The following CEP120 variants were observed in gnomAD, a reference collection of about 807,000 sequenced individuals.
CEP120 encodes centrosomal protein of 120 kDa.
Under a neutral mutation model 126.5 loss-of-function variants are expected in CEP120, and 113 were observed. The observed-to-expected ratio is 0.89, with a 90% CI of 0.77 to 1.04. CEP120 has a LOEUF of 1.04. Among genes scored for constraint, CEP120 ranks in the 50% least tolerant of loss-of-function variants. CEP120 has a pLI of 0.00. For missense variants in CEP120, 1,230 were observed against 1,155.7 expected, an observed-to-expected ratio of 1.06 and a Z score of -0.93; for synonymous variants, 400 against 394.3, an observed-to-expected ratio of 1.01 and a Z score of -0.17.
chr5:123,345,841 G>A lies in CEP120; in HGVS notation c.*678C>T, dbSNP rs529079586. 10 of 152,184 alleles carry A rather than the reference G, an allele frequency of 6.6e-5. 1 individual carries two copies. In the South Asian group the frequency reaches 1.9e-3, roughly 28 times the overall value. 9.4% of individuals were successfully genotyped at this position (152,184 alleles called of 1,614,324 possible). A position where few individuals can be genotyped will look rare whatever the true frequency, so the allele number is the denominator to read the frequency against. On this transcript the variant is annotated 3_prime_UTR_variant, in exon 20 of 20. Coordinates refer to ENST00000306467, the MANE Select transcript of CEP120 (RefSeq NM_001375405.1). ...AAGAAAACAATGCAAACTTGAGGAA[G>A]AAACCAACAGAGAAAACTATATTAA... is the stretch of plus-strand genomic sequence containing the variant.
intron 9 of CEP120, among the ~76,000 whole-genome samples, chr5:123,386,874 C>G (rs61604748): frequency 6.6e-6 from 1 of 151,770 alleles, no homozygotes; most frequent in Non-Finnish European, 1.5e-5. Context: ...TCTGCACTCC[C>G]AGGGACACAG....
intron 16 of CEP120, among the ~76,000 whole-genome samples, chr5:123,375,177 C>T (rs957576195): frequency 6.6e-6 from 1 of 152,004 alleles, no homozygotes; most frequent in South Asian, 2.1e-4. Flanking sequence ...TCCTTCCTAC[C>T]CCCTTTTTTT....
Position 123,378,429 on chromosome 5 carries a change from C to G in CEP120, c.2104-1G>C. The G allele has an allele frequency of 6.8e-7, 1 of 1,465,092 alleles. No individual in the cohort carries two copies. Among genetic ancestry groups the G allele is most frequent in the South Asian group, 1.3e-5 (1 of 77,864 alleles). 90.8% of individuals were successfully genotyped at this position (1,465,092 alleles called of 1,614,324 possible). A position where few individuals can be genotyped will look rare whatever the true frequency, so the allele number is the denominator to read the frequency against. ...CTTCTAGAATAGTATATTCAGCCAC[C>G]TAAAATATAGTAAAAAAAAAAAAAA... On this transcript the variant is annotated splice_acceptor_variant, in intron 14 of 19. Coordinates refer to ENST00000306467, the MANE Select transcript of CEP120 (RefSeq NM_001375405.1). LOFTEE classifies it high-confidence loss of function.
Position 123,386,192 on chromosome 5 carries a change from T to C in CEP120, c.1580+326A>G, listed in dbSNP as rs543489286. ...AAAAAGTAAATATTTAGTTCTTAGC[T>C]TTTTATCTTCCCACATTATATCAGG... On this transcript the variant is annotated intron_variant, in intron 10 of 19. Coordinates refer to ENST00000306467, the MANE Select transcript of CEP120 (RefSeq NM_001375405.1). 2.0e-5 allele frequency among the ~76,000 whole-genome samples: 3 copies of C among 152,276 alleles called. No individual in the cohort carries two copies. In the South Asian group the frequency reaches 6.2e-4, roughly 32 times the overall value.
At chr5:123,365,334 T>G (rs1014838627) in intron 17 of CEP120, among the ~76,000 whole-genome samples, 1 of 151,732 alleles carries the variant, frequency 6.6e-6, no homozygotes, top group African/African-American at 2.4e-5. Context: ...TGTTTTGGAA[T>G]GTACTCAGTG....
At position 123,346,566 on chromosome 5, in the gene CEP120, C is replaced by T. The variant is rs747245800; in HGVS notation, c.2914G>A (p.Asp972Asn). 4.3e-6 allele frequency: 7 copies of T among 1,613,526 alleles called. No homozygotes were observed. Among genetic ancestry groups the T allele is most frequent in the African/African-American group, 2.7e-5 (2 of 74,928 alleles). Residue 972 changes from aspartate (D) to asparagine (N), a missense_variant, in exon 20 of 20, where the codon GAC becomes AAC. Physicochemically the swap from Asp to Asn is conservative, Grantham distance 23. Coordinates refer to ENST00000306467, the MANE Select transcript of CEP120 (RefSeq NM_001375405.1). ...NHEDRIISEL[D>N]RQIREILAKS... Reference sequence around the variant, plus strand: ...GCCAAAATCTCTCTGATCTGTCGGTCGAGTTCACTTATTATTCGATCCTCG... The same window carrying T: ...GCCAAAATCTCTCTGATCTGTCGGTTGAGTTCACTTATTATTCGATCCTCG...
At chr5:123,372,813 G>C in intron 16 of CEP120, 41 bp from the exon 17 acceptor site, 1 of 1,499,026 alleles carries the variant, frequency 6.7e-7, no homozygotes, top group Non-Finnish European at 9.1e-7. Context: ...ACAATGATAT[G>C]CAAAGTTTAA....
chr5:123,401,578 G>T, intron 4 of CEP120: 2 of 1,396,156 alleles, frequency 1.4e-6, no homozygotes, highest in Non-Finnish European at 2.0e-6. Context: ...CGCTGTTCAT[G>T]TCCAGGGAGC....
At chr5:123,401,663 A>G in intron 4 of CEP120, 1 of 1,418,642 alleles carries the variant, frequency 7.0e-7, no homozygotes, top group Non-Finnish European at 9.9e-7. Context: ...CTCTTCATAC[A>G]GCTGCCTGAG....
chr5:123,355,371 A>G (rs1769517929), intron 18 of CEP120, among the ~76,000 whole-genome samples: 1 of 152,214 alleles, frequency 6.6e-6, no homozygotes, highest in Admixed American at 6.5e-5. Context: ...ACTGACTTCC[A>G]CAATGGATGA....
intron 17 of CEP120, among the ~76,000 whole-genome samples, chr5:123,366,368 T>C (rs571997537): frequency 6.6e-6 from 1 of 151,972 alleles, no homozygotes; most frequent in South Asian, 2.1e-4. Flanking sequence ...ACTGAGGTAA[T>C]AGACCATAAG....
chr5:123,351,771 CTG>C (rs1166257451), intron 18 of CEP120, among the ~76,000 whole-genome samples: 1 of 53,906 alleles, frequency 1.9e-5, no homozygotes, highest in Non-Finnish European at 4.6e-5. Flanking sequence ...TTAAATAATT[CTG>C]TGTGAACTGT....
At chr5:123,359,814 A>ATATTTTTAATTC (rs1488237543) in intron 18 of CEP120, among the ~76,000 whole-genome samples, 1 of 152,026 alleles carries the variant, frequency 6.6e-6, no homozygotes. Flanking sequence ...TAATTAGGTT[A>ATATTTTTAATTC]TATTTTTAAT....
At chr5:123,416,164 A>T (rs758267798) in intron 2 of CEP120, 40 bp from the exon 3 acceptor site, 1 of 1,217,850 alleles carries the variant, frequency 8.2e-7, no homozygotes, top group Non-Finnish European at 1.2e-6. Context: ...GTTTTTGCTT[A>T]ATAAACTTTC....
intron 2 of CEP120, among the ~76,000 whole-genome samples, chr5:123,417,109 A>G (rs892514656): frequency 6.6e-6 from 1 of 152,158 alleles, no homozygotes; most frequent in African/African-American, 2.4e-5. Context: ...TTCTCAGCCT[A>G]CAACAATCAG....
chr5:123,358,260 A>C (rs1008218596), intron 18 of CEP120: 2 of 152,182 alleles, frequency 1.3e-5, no homozygotes, highest in Non-Finnish European at 2.9e-5. Context: ...ACCTCTGGAA[A>C]GAGAAGACAC....
intron 19 of CEP120, 79 bp from the exon 20 acceptor site, chr5:123,346,832 A>C: frequency 9.6e-7 from 1 of 1,038,260 alleles, no homozygotes; most frequent in Non-Finnish European, 1.4e-6. Flanking sequence ...AAAATGATTC[A>C]ATGGTAAGAC....
Position 123,346,465 on chromosome 5 carries a change from A to T in CEP120, c.*54T>A, listed in dbSNP as rs1222901734. 1 of 1,352,180 alleles carries T rather than the reference A, an allele frequency of 7.4e-7. No homozygotes were observed. The highest frequency in any genetic ancestry group is 1.5e-5 in the African/African-American group (1 of 68,410). 83.8% of individuals were successfully genotyped at this position (1,352,180 alleles called of 1,614,324 possible). On this transcript the variant is annotated 3_prime_UTR_variant, in exon 20 of 20. Transcript: ENST00000306467. ...CATTTTCCTCACTTTTGAGGTTTTT[A>T]CAAAGAAATTAAAATTTAGACTTAG...
Position 123,399,168 on chromosome 5 carries a change from C to A in CEP120, c.580G>T (p.Val194Leu). The change falls in exon 5 of 20, where the codon GTG (valine) becomes TTG (leucine). Residue 194 changes from valine (V) to leucine (L), a missense_variant. Physicochemically the swap from Val to Leu is conservative, Grantham distance 32 (BLOSUM62 1). Transcript: ENST00000306467. The stretch of plus-strand genomic sequence containing the variant: ...AACTGGGTAGCAAATGCTATGGTCA[C>A]TGACATAATAAAGGAGTCAGTACAG... ...EYCTDSFIMS[V>L]TIAFATQLEQ... The A allele has an allele frequency of 6.2e-7, 1 of 1,613,052 alleles. No homozygotes were observed. The highest frequency in any genetic ancestry group is 8.5e-7 in the Non-Finnish European group (1 of 1,179,404).
Sources: allele counts gnomAD v4.1 joint callset (sites outside exome capture counted in the v4.1 genomes callset), GRCh38; gene constraint gnomAD v4.1.1; transcripts MANE v1.5; gene names NCBI Gene and HGNC (gene_info 2026-07-23, HGNC 2026-07-21).